SMUG1: variants seen among roughly 807,000 people sequenced by gnomAD.
SMUG1 encodes the protein single-strand selective monofunctional uracil DNA glycosylase.
In SMUG1, 13 loss-of-function variants were observed where a neutral mutation model predicts 23.9. The ratio of observed to expected loss-of-function variants is 0.54; its 90% CI spans 0.35 to 0.86. The LOEUF (loss-of-function observed/expected upper bound fraction) is 0.86. Ranked by LOEUF, SMUG1 falls within the 40% of genes least tolerant of loss-of-function variation. SMUG1 has a pLI of 0.01. For missense variants in SMUG1, 313 were observed against 339.5 expected (o/e 0.92, Z 0.61); for synonymous variants, 133 against 139.8 (o/e 0.95, Z 0.34).
downstream of SMUG1, among the ~76,000 whole-genome samples, chr12:54,160,374 T>C (rs568820398): frequency 1.2e-4 from 19 of 152,182 alleles, no homozygotes; most frequent in Non-Finnish European, 2.5e-4. Context: ...AGAGTTTCCA[T>C]TCCTCAAGAC....
rs763948835 is a variant in SMUG1, at chr12:54,181,754, C to G, written c.*342G>C. On this transcript the variant is annotated 3_prime_UTR_variant, in exon 4 of 4. Coordinates refer to ENST00000682136, the MANE Select transcript of SMUG1 (RefSeq NM_001243787.2). The stretch of plus-strand genomic sequence containing the variant: ...TAAACGTGACCTTAGAAGTTACTGT[C>G]TAGGGCACTCTCAGCTGAATAAAGT... 1.4e-5 allele frequency: 21 copies of G among 1,468,656 alleles called. No individual in the cohort carries two copies. Among genetic ancestry groups the G allele is most frequent in the Middle Eastern group, 1.9e-4 (1 of 5,340 alleles). 91.0% of individuals were successfully genotyped at this position (1,468,656 alleles called of 1,614,324 possible).
downstream of SMUG1, among the ~76,000 whole-genome samples, chr12:54,175,769 T>C (rs1162344628): frequency 6.6e-6 from 1 of 152,192 alleles, no homozygotes; most frequent in African/African-American, 2.4e-5. Context: ...TTCACCTCCG[T>C]CACTCCCTAC....
intron 2 of SMUG1, among the ~76,000 whole-genome samples, chr12:54,173,710 C>T (rs749328272): frequency 6.6e-6 from 1 of 151,264 alleles, no homozygotes; most frequent in Admixed American, 6.6e-5. Context: ...CTGCTCGCCT[C>T]CTCTGCAAAT....
chr12:54,158,875 T>G (rs1011064587), intron 4 of SMUG1, among the ~76,000 whole-genome samples: 3 of 152,154 alleles, frequency 2.0e-5, no homozygotes, highest in Non-Finnish European at 2.9e-5. Context: ...CTTTCTGTCT[T>G]TTGCTCAAGT....
At chr12:54,173,117 G>A (rs932593541) in intron 2 of SMUG1, 1 of 153,422 alleles carries the variant, frequency 6.5e-6, no homozygotes, top group Admixed American at 6.5e-5. Flanking sequence ...CGGTGATACA[G>A]AGAGAAGTGG....
intron 2 of SMUG1, among the ~76,000 whole-genome samples, chr12:54,185,854 T>C (rs534284532): frequency 2.0e-4 from 30 of 151,836 alleles, no homozygotes; most frequent in African/African-American, 5.1e-4. Context: ...TGAGATGTTA[T>C]GTTTAGGTGA....
downstream of SMUG1, among the ~76,000 whole-genome samples, chr12:54,161,305 C>T (rs182554621): frequency 7.9e-5 from 12 of 152,288 alleles, no homozygotes; most frequent in South Asian, 2.1e-4. This position sits in a 1 kb window ranked among gnomAD's most constrained non-coding sequence, Gnocchi z 4.2. Flanking sequence ...CCAGCCGCCC[C>T]GCAAACAAGA....
chr12:54,177,160 G>A (rs1413126697), downstream of SMUG1, among the ~76,000 whole-genome samples: 1 of 152,188 alleles, frequency 6.6e-6, no homozygotes, highest in Admixed American at 6.5e-5. Flanking sequence ...GGAGACCCTG[G>A]CCTTTGCCTT....
At position 54,183,504 on chromosome 12, in the gene SMUG1, C is replaced by T. The variant is rs1207922440; in HGVS notation, c.285+152G>A. ...AGAGACGCTGGGAGAGGGCCTCGGACCACAGGAGCCAGTATATGTGTTGAG... is the reference window on the plus strand; with the variant it reads ...AGAGACGCTGGGAGAGGGCCTCGGATCACAGGAGCCAGTATATGTGTTGAG... On this transcript the variant is annotated intron_variant, in intron 3 of 3. Transcript: ENST00000682136. The T allele has an allele frequency of 1.5e-5, 11 of 746,010 alleles. No homozygotes were observed. The East Asian group carries it at 2.8e-4, about 19-fold the overall frequency. 46.2% of individuals were successfully genotyped at this position (746,010 alleles called of 1,614,324 possible).
chr12:54,165,282 G>GA (rs1473827279), intron 4 of SMUG1: 9 of 152,218 alleles, frequency 5.9e-5, no homozygotes, highest in South Asian at 2.1e-4. Context: ...AGCAACCCCT[G>GA]AAAAAATCAT....
intron 2 of SMUG1, among the ~76,000 whole-genome samples, chr12:54,186,349 TG>T (rs60631751): frequency 0.41 from 57,908 of 139,812 alleles, 11,747 homozygotes; most frequent in Middle Eastern, 0.48. Context: ...TGTTTTGTTT[TG>T]TTTTTTTTTT....
downstream of SMUG1, among the ~76,000 whole-genome samples, chr12:54,179,999 CTG>C (rs912344144): frequency 6.6e-6 from 1 of 152,154 alleles, no homozygotes; most frequent in Non-Finnish European, 1.5e-5. Flanking sequence ...TGACCAAAAC[CTG>C]TGTCAGAAGT....
intron 3 of SMUG1, among the ~76,000 whole-genome samples, chr12:54,166,450 C>A (rs550043398): frequency 3.9e-5 from 6 of 152,228 alleles, no homozygotes; most frequent in African/African-American, 1.4e-4. Context: ...AGTCCCCCTC[C>A]CAGAACTGAG....
chr12:54,171,165 A>G (rs1355799645), intron 3 of SMUG1, among the ~76,000 whole-genome samples: 3 of 151,444 alleles, frequency 2.0e-5, no homozygotes, highest in Admixed American at 6.6e-5. Flanking sequence ...ACATCTGGCT[A>G]ATTTTTGTAT....
At chr12:54,168,814 C>T (rs1252629308) in intron 3 of SMUG1, among the ~76,000 whole-genome samples, 1 of 152,082 alleles carries the variant, frequency 6.6e-6, no homozygotes, top group Non-Finnish European at 1.5e-5. Context: ...CTTTCCTCTC[C>T]CCAATCCAAA....
At position 54,183,958 on chromosome 12, in the gene SMUG1, A is replaced by C; in HGVS notation, c.-18T>G. 6.6e-7 allele frequency: 1 copy of C among 1,505,376 alleles called. No individual in the cohort carries two copies. Among genetic ancestry groups the C allele is most frequent in the Non-Finnish European group, 8.9e-7 (1 of 1,129,072 alleles). The allele number at this position is 1,505,376 out of a possible 1,614,324, so 93.3% of individuals were successfully genotyped here. A position where few individuals can be genotyped will look rare whatever the true frequency, so the allele number is the denominator to read the frequency against. ...TGGGGCATATGTCCATGCCGCTGTC[A>C]CCTGGGAAAAGAGATGGACAGAAGC... On this transcript the variant is annotated splice_region_variant and 5_prime_UTR_variant, in exon 3 of 4. The change abolishes the stop of an existing upstream ORF in the 5' untranslated region. Coordinates refer to ENST00000682136, the MANE Select transcript of SMUG1 (RefSeq NM_001243787.2).
chr12:54,181,240 C>T lies in SMUG1; in HGVS notation c.*856G>A. The T allele has an allele frequency of 6.3e-6, 2 of 317,054 alleles. No homozygotes were observed. The highest frequency in any genetic ancestry group is 4.4e-5 in the Admixed American group (1 of 22,532). The allele number at this position is 317,054 out of a possible 1,614,324, so 19.6% of individuals were successfully genotyped here. The stretch of plus-strand genomic sequence containing the variant: ...GACATGGCAAGAATTTTCCCTTCAC[C>T]CTGGCCGCAGGTGGAAGCCCAGACT... On this transcript the variant is annotated 3_prime_UTR_variant, in exon 4 of 4. Transcript: ENST00000682136.
chr12:54,174,750 G>C (rs1940712098), intron 2 of SMUG1, among the ~76,000 whole-genome samples: 1 of 152,240 alleles, frequency 6.6e-6, no homozygotes, highest in South Asian at 2.1e-4. Context: ...GCCAGGACTA[G>C]AGACAGACAT....
chr12:54,184,614 G>C (rs571122924), intron 2 of SMUG1, among the ~76,000 whole-genome samples: 3 of 152,316 alleles, frequency 2.0e-5, no homozygotes, highest in South Asian at 4.1e-4. Flanking sequence ...AATAAAGCTG[G>C]ATTTGGTTGA....
Sources: allele counts gnomAD v4.1 joint callset (sites outside exome capture counted in the v4.1 genomes callset), GRCh38; gene constraint gnomAD v4.1.1; non-coding constraint Gnocchi (gnomAD v3.1); transcripts MANE v1.5; gene names NCBI Gene and HGNC (gene_info 2026-07-23, HGNC 2026-07-21).